Variants in GOLM1 observed in about 807,000 individuals in gnomAD.
The protein encoded by GOLM1 is epididymis luminal protein 46.
In GOLM1, 31 loss-of-function variants were observed where a neutral mutation model predicts 50.5. The observed-to-expected ratio is 0.61, with a 90% CI of 0.46 to 0.83. GOLM1 has a LOEUF of 0.83. Ranked by LOEUF, GOLM1 falls within the 40% of genes least tolerant of loss-of-function variation. The pLI is 0.00. For synonymous variants in GOLM1, 178 were observed against 192.8 expected, an observed-to-expected ratio of 0.92 and a Z score of 0.64; for missense variants, 491 against 501.3, an observed-to-expected ratio of 0.98 and a Z score of 0.20.
At chr9:86,044,435 T>C (rs947960194) in intron 5 of GOLM1, among the ~76,000 whole-genome samples, 1 of 152,196 alleles carries the variant, frequency 6.6e-6, no homozygotes. Context: ...AAGAACGCAA[T>C]GCACGTGAGG....
intron 3 of GOLM1, among the ~76,000 whole-genome samples, chr9:86,053,544 CCAAACACA>C (rs773660671): frequency 1.0e-5 from 1 of 99,694 alleles, no homozygotes. Flanking sequence ...CCAAACCACA[CCAAACACA>C]CACTACACAC....
At position 86,065,760 on chromosome 9, in the gene GOLM1, G is replaced by C. The variant is rs534812831; in HGVS notation, c.309+11652C>G. Among the ~76,000 whole-genome samples, 240 of 152,266 alleles carry C rather than the reference G, an allele frequency of 1.6e-3. 1 individual carries two copies. Among genetic ancestry groups the C allele is most frequent in the African/African-American group, 5.2e-3 (218 of 41,552 alleles). ...TTAGAAATTAAATATGTTCATGTCGGGCTGGGTGCGGTGGCACACACCTGT... is the reference window on the plus strand; with the variant it reads ...TTAGAAATTAAATATGTTCATGTCGCGCTGGGTGCGGTGGCACACACCTGT... On this transcript the variant is annotated intron_variant, in intron 3 of 9. Transcript: ENST00000388712.
chr9:86,073,750 A>C (rs949600594), intron 3 of GOLM1, among the ~76,000 whole-genome samples: 4 of 152,224 alleles, frequency 2.6e-5, no homozygotes, highest in African/African-American at 7.2e-5. Context: ...CGTGCTGTCC[A>C]ATGTGACCAT....
At chr9:86,052,055 A>T (rs990126328) in intron 4 of GOLM1, among the ~76,000 whole-genome samples, 9 of 152,196 alleles carry the variant, frequency 5.9e-5, no homozygotes, top group Admixed American at 2.6e-4. Context: ...CCGACAAAGG[A>T]CAGCACCCCA....
At chr9:86,066,716 A>C (rs1834317775) in intron 3 of GOLM1, among the ~76,000 whole-genome samples, 1 of 152,094 alleles carries the variant, frequency 6.6e-6, no homozygotes, top group Non-Finnish European at 1.5e-5. Context: ...TTTGTGACTG[A>C]ACTTTTGGCA....
chr9:86,056,643 C>T (rs933542192), intron 3 of GOLM1, among the ~76,000 whole-genome samples: 143 of 151,534 alleles, frequency 9.4e-4, no homozygotes, highest in African/African-American at 3.4e-3. Context: ...GTAGCTGGGA[C>T]TACAGGCGCC....
Position 86,066,785 on chromosome 9 carries a change from G to A in GOLM1, c.309+10627C>T, listed in dbSNP as rs145412339. Among the ~76,000 whole-genome samples, 536 of 152,252 alleles carry A rather than the reference G, an allele frequency of 3.5e-3. 5 individuals are homozygous for A. Among genetic ancestry groups the A allele is most frequent in the African/African-American group, 0.012 (517 of 41,540 alleles). On this transcript the variant is annotated intron_variant, in intron 3 of 9. Transcript: ENST00000388712. ...CTTTCCCTTCACGAAGTGCTAGTAA[G>A]TAATTCAGGGTCTCCCAGACTCTTC...
chr9:86,099,695 C>T (rs534187117), upstream of GOLM1: 1 of 151,560 alleles, frequency 6.6e-6, no homozygotes, highest in African/African-American at 2.4e-5. Context: ...GCGCGCGCCC[C>T]GGCCGGTGGC....
chr9:86,054,110 A>G (rs1251625244), intron 3 of GOLM1, among the ~76,000 whole-genome samples: 1 of 152,158 alleles, frequency 6.6e-6, no homozygotes, highest in Non-Finnish European at 1.5e-5. Flanking sequence ...TCAACAGTAG[A>G]GGAGGACAGA....
intron 5 of GOLM1, among the ~76,000 whole-genome samples, chr9:86,045,695 T>TACACAC (rs771914212): frequency 1.4e-4 from 21 of 147,576 alleles, no homozygotes; most frequent in African/African-American, 5.0e-4. Flanking sequence ...AAAAAGTATA[T>TACACAC]ACACACACAC....
chr9:86,082,295 G>A (rs1834808697), intron 1 of GOLM1, among the ~76,000 whole-genome samples: 2 of 151,774 alleles, frequency 1.3e-5, no homozygotes, highest in Admixed American at 1.3e-4. Flanking sequence ...CAAAGTGCTG[G>A]GATTACAGGC....
Position 86,027,183 on chromosome 9 carries a change from A to C in GOLM1, c.*634T>G. ...AATAGCGTTTTGTACATTAAAAATG[A>C]CAAGGGTTATTATACAAGTAGCCTT... On this transcript the variant is annotated 3_prime_UTR_variant, in exon 10 of 10. Coordinates refer to ENST00000388712, the MANE Select transcript of GOLM1 (RefSeq NM_016548.4). The C allele has an allele frequency of 1.0e-6, 1 of 984,590 alleles. No homozygotes were observed. Among genetic ancestry groups the C allele is most frequent in the Non-Finnish European group, 1.2e-6 (1 of 829,492 alleles). The allele number at this position is 984,590 out of a possible 1,614,324, so 61.0% of individuals were successfully genotyped here.
At chr9:86,042,034 G>C (rs915870900) in intron 5 of GOLM1, among the ~76,000 whole-genome samples, 6 of 152,182 alleles carry the variant, frequency 3.9e-5, no homozygotes, top group African/African-American at 1.4e-4. Flanking sequence ...GGAGAATGGC[G>C]TGAACCCGGG....
chr9:86,048,122 T>C (rs1342679724), intron 4 of GOLM1, among the ~76,000 whole-genome samples: 2 of 147,836 alleles, frequency 1.4e-5, no homozygotes, highest in Non-Finnish European at 3.0e-5. Flanking sequence ...GAACATGCGG[T>C]GTTTGGTTTT....
At chr9:86,077,830 C>A in intron 2 of GOLM1, 1 of 486,006 alleles carries the variant, frequency 2.1e-6, no homozygotes, top group South Asian at 4.7e-5. Flanking sequence ...ACACTTCCCA[C>A]TGGGTTTTTG....
chr9:86,071,543 G>A (rs1167812711), intron 3 of GOLM1, among the ~76,000 whole-genome samples: 1 of 151,904 alleles, frequency 6.6e-6, no homozygotes, highest in Non-Finnish European at 1.5e-5. Flanking sequence ...GCCGGGTGTG[G>A]TGGTGCAGGT....
intron 3 of GOLM1, among the ~76,000 whole-genome samples, chr9:86,053,736 ACACACACCACACACTACTG>A (rs1833896488): frequency 1.8e-4 from 1 of 5,628 alleles, no homozygotes; most frequent in South Asian, 4.0e-3. Flanking sequence ...GCTCCACTCC[ACACACACCACACACTACTG>A]CACACACCAC....
Position 86,036,421 on chromosome 9 carries a change from A to G in GOLM1, c.684T>C (p.Leu228=), listed in dbSNP as rs748090516. The G allele has an allele frequency of 6.2e-7, 1 of 1,614,056 alleles. No homozygotes were observed. Among genetic ancestry groups the G allele is most frequent in the African/African-American group, 1.3e-5 (1 of 75,012 alleles). ...CTGGTGTCTGGGACTTGCTGTTACC[A>G]AGCACGTTTCCCTTCCCTTGTGGCA... is the stretch of plus-strand genomic sequence containing the variant. ...TEVPQGKGNV[L]GNSKSQTPAP... is the part of the protein sequence containing the mutation. Residue 228 remains leucine, a synonymous_variant, in exon 7 of 10, where the codon CTT becomes CTC. Transcript: ENST00000388712.
Position 86,036,580 on chromosome 9 carries a change from T to C in GOLM1, c.598-73A>G, listed in dbSNP as rs1039909408. 3.4e-5 allele frequency: 51 copies of C among 1,481,204 alleles called. No homozygotes were observed. In the African/African-American group the frequency reaches 4.9e-4, roughly 14 times the overall value. The allele number at this position is 1,481,204 out of a possible 1,614,324, so 91.8% of individuals were successfully genotyped here. A position where few individuals can be genotyped will look rare whatever the true frequency, so the allele number is the denominator to read the frequency against. On this transcript the variant is annotated intron_variant, in intron 6 of 9. Transcript: ENST00000388712. ...AGAAGCCGTAAAAGAATCCTACCAA[T>C]GCAATGAATCCCACCAATCCCACCA...
Sources: allele counts gnomAD v4.1 joint callset (sites outside exome capture counted in the v4.1 genomes callset), GRCh38; gene constraint gnomAD v4.1.1; transcripts MANE v1.5; gene names NCBI Gene and HGNC (gene_info 2026-07-23, HGNC 2026-07-21).